Variants in HORMAD2 observed in about 807,000 individuals in gnomAD.
HORMAD2 encodes HORMA domain containing 2, also known as HORMA domain-containing protein 2.
In HORMAD2, 45 loss-of-function variants were observed where a neutral mutation model predicts 38.8. The observed-to-expected ratio is 1.16, with a 90% CI of 0.91 to 1.49. HORMAD2 has a LOEUF of 1.49. Among genes scored for constraint, HORMAD2 ranks in the 40% most tolerant of loss-of-function variants. The pLI, the probability that HORMAD2 is intolerant of heterozygous loss-of-function variation, is 0.00. For synonymous variants in HORMAD2, 126 were observed against 122.8 expected, an observed-to-expected ratio of 1.03 and a Z score of -0.17; for missense variants, 338 against 367.0, an observed-to-expected ratio of 0.92 and a Z score of 0.65.
At chr22:30,128,260 G>A (rs546050453) in intron 10 of HORMAD2, among the ~76,000 whole-genome samples, 22 of 152,090 alleles carry the variant, frequency 1.4e-4, no homozygotes, top group African/African-American at 4.6e-4. Flanking sequence ...ATCTTCCGCC[G>A]TCCCACCATC....
At chr22:30,207,338 G>A in the HORMAD2 span, among the ~76,000 whole-genome samples, 1 of 152,070 alleles carries the variant, frequency 6.6e-6, no homozygotes. Context: ...CCGTGCCCTG[G>A]GCTCCTATGA....
upstream of HORMAD2, among the ~76,000 whole-genome samples, chr22:30,078,607 CAA>C (rs55966787): frequency 9.6e-4 from 27 of 28,084 alleles, no homozygotes; most frequent in Non-Finnish European, 1.3e-3. Context: ...CTCTGTCTCA[CAA>C]AAAAAAAAAA....
intron 10 of HORMAD2, among the ~76,000 whole-genome samples, chr22:30,122,827 A>G (rs2035112651): frequency 6.6e-6 from 1 of 152,160 alleles, no homozygotes; most frequent in Admixed American, 6.6e-5. Context: ...CTAGGGTCCC[A>G]TTATGCCCTA....
At chr22:30,103,566 A>G (rs993860375) in intron 4 of HORMAD2, 66 bp downstream of exon 4, 11 of 749,846 alleles carry the variant, frequency 1.5e-5, no homozygotes, top group Non-Finnish European at 2.5e-5. Context: ...ATTACCCATA[A>G]GACTTTATTT....
At chr22:30,164,233 T>C (rs1048842684) in intron 10 of HORMAD2, among the ~76,000 whole-genome samples, 2 of 152,334 alleles carry the variant, frequency 1.3e-5, no homozygotes, top group South Asian at 2.1e-4. Flanking sequence ...ACCTTTTGGT[T>C]ATTGTGAATA....
chr22:30,131,912 A>G (rs1275449178), intron 10 of HORMAD2, among the ~76,000 whole-genome samples: 1 of 152,244 alleles, frequency 6.6e-6, no homozygotes, highest in African/African-American at 2.4e-5. Context: ...ACACTTAATT[A>G]AAAAGTAAAT....
rs566898132 is a variant in HORMAD2, at chr22:30,104,741, C to G, written c.294+304C>G. ...AGAGACAAGAATCTGGCATTTAGTGCATTGAACAAATTTAGAATAGTGGTG... is the reference window on the plus strand; with the variant it reads ...AGAGACAAGAATCTGGCATTTAGTGGATTGAACAAATTTAGAATAGTGGTG... On this transcript the variant is annotated intron_variant, in intron 5 of 10. Transcript: ENST00000336726. Among the ~76,000 whole-genome samples, 4 of 152,242 alleles carry G rather than the reference C, an allele frequency of 2.6e-5. No individual in the cohort carries two copies. The East Asian group carries it at 7.7e-4, about 29-fold the overall frequency.
intron 1 of HORMAD2, among the ~76,000 whole-genome samples, chr22:30,082,454 T>A (rs971671519): frequency 6.6e-6 from 1 of 152,046 alleles, no homozygotes; most frequent in African/African-American, 2.4e-5. Context: ...GACTCACACA[T>A]AGTAGGGGTA....
At chr22:30,119,274 T>C (rs141874352) in intron 8 of HORMAD2, among the ~76,000 whole-genome samples, 5 of 152,324 alleles carry the variant, frequency 3.3e-5, no homozygotes, top group African/African-American at 9.6e-5. Flanking sequence ...GTAGAAATTA[T>C]GTCAATAAGG....
At chr22:30,155,314 C>T (rs1362636144) in intron 10 of HORMAD2, among the ~76,000 whole-genome samples, 1 of 152,060 alleles carries the variant, frequency 6.6e-6, no homozygotes. Context: ...TATCCTGATC[C>T]TCATCAAACT....
chr22:30,122,002 G>T lies in HORMAD2; in HGVS notation c.607G>T (p.Gly203Trp). 3 of 1,612,398 alleles carry T rather than the reference G, an allele frequency of 1.9e-6. No homozygotes were observed. Among genetic ancestry groups the T allele is most frequent in the Middle Eastern group, 1.6e-4 (1 of 6,062 alleles). The change falls in exon 10 of 11, where the codon GGG (glycine) becomes TGG (tryptophan). Residue 203 changes from glycine to tryptophan, a missense_variant. Coordinates refer to ENST00000336726, the MANE Select transcript of HORMAD2 (RefSeq NM_152510.4). ...HDYQPLGFKE[G>W]VNSHFLLFDK... ...TTACCAACCCCTCGGTTTTAAAGAAGGGGTAAATTCACACTTCCTGCTGTT... is the reference window on the plus strand; with the variant it reads ...TTACCAACCCCTCGGTTTTAAAGAATGGGTAAATTCACACTTCCTGCTGTT...
chr22:30,156,417 T>C (rs1257041110), intron 10 of HORMAD2, among the ~76,000 whole-genome samples: 1 of 152,128 alleles, frequency 6.6e-6, no homozygotes, highest in Non-Finnish European at 1.5e-5. Context: ...AAAGAACACC[T>C]AACCTAAATG....
At chr22:30,104,466 A>G (rs1450607856) in intron 5 of HORMAD2, 29 bp downstream of exon 5, 1 of 1,562,952 alleles carries the variant, frequency 6.4e-7, no homozygotes, top group Non-Finnish European at 8.8e-7. Flanking sequence ...TTACACTGGA[A>G]TCAAAGGCTT....
At chr22:30,129,079 G>A (rs1042305018) in intron 10 of HORMAD2, among the ~76,000 whole-genome samples, 18 of 151,830 alleles carry the variant, frequency 1.2e-4, no homozygotes, top group South Asian at 6.3e-4. Flanking sequence ...TTAGCCAGGC[G>A]TGGTGGTGGG....
intron 10 of HORMAD2, among the ~76,000 whole-genome samples, chr22:30,155,791 C>T (rs6006381): frequency 2.1e-4 from 32 of 152,236 alleles, no homozygotes; most frequent in African/African-American, 7.5e-4. Context: ...AATTTTTCTC[C>T]ATCAGTGAGA....
At chr22:30,158,301 A>G (rs1221053792) in intron 10 of HORMAD2, among the ~76,000 whole-genome samples, 1 of 152,094 alleles carries the variant, frequency 6.6e-6, no homozygotes, top group Non-Finnish European at 1.5e-5. Context: ...GTTCCTACAT[A>G]ATCAACAACT....
At chr22:30,101,097 T>G (rs4443103) in intron 3 of HORMAD2, among the ~76,000 whole-genome samples, 148,895 of 152,312 alleles carry the variant, frequency 0.98, 72,803 homozygotes, top group Middle Eastern at 1. Flanking sequence ...ATATCCAAAG[T>G]ATTATAAATC....
At chr22:30,190,389 T>C in the HORMAD2 span, among the ~76,000 whole-genome samples, 1 of 152,264 alleles carries the variant, frequency 6.6e-6, no homozygotes, top group Non-Finnish European at 1.5e-5. Context: ...ATGTGTCTTC[T>C]GGGCATTGAA....
the HORMAD2 span, among the ~76,000 whole-genome samples, chr22:30,195,572 A>G: frequency 3.3e-5 from 5 of 152,348 alleles, no homozygotes; most frequent in East Asian, 9.6e-4. Context: ...TCAACTAGGA[A>G]TGTCCCCCAC....
Sources: allele counts gnomAD v4.1 joint callset (sites outside exome capture counted in the v4.1 genomes callset), GRCh38; gene constraint gnomAD v4.1.1; transcripts MANE v1.5; gene names NCBI Gene and HGNC (gene_info 2026-07-23, HGNC 2026-07-21).